Variants in COG5 observed in about 807,000 individuals in gnomAD.
The protein encoded by COG5 is conserved oligomeric Golgi complex subunit 5.
A neutral mutation model predicts 110.4 loss-of-function variants in COG5; 86 were observed. The observed-to-expected ratio is 0.78, with a 90% CI of 0.65 to 0.93. COG5 has a LOEUF of 0.93. Among genes scored for constraint, COG5 ranks in the 40% least tolerant of loss-of-function variants. The pLI is 0.00. For missense variants in COG5, 1,077 were observed against 987.0 expected (o/e 1.09, Z -1.22); for synonymous variants, 360 against 334.6 (o/e 1.08, Z -0.83).
chr7:107,221,764 CAAA>C (rs1165656626), intron 19 of COG5, among the ~76,000 whole-genome samples: 3 of 61,948 alleles, frequency 4.8e-5, no homozygotes, highest in Admixed American at 1.9e-4. Flanking sequence ...GACTCCGTCT[CAAA>C]AAAAAAAAAA....
chr7:107,326,793 G>C (rs1809806176), intron 10 of COG5, among the ~76,000 whole-genome samples: 1 of 152,068 alleles, frequency 6.6e-6, no homozygotes, highest in African/African-American at 2.4e-5. Flanking sequence ...AATTAATAGA[G>C]AATCTCCAGG....
At chr7:107,311,369 C>CT (rs1363120352) in intron 11 of COG5, among the ~76,000 whole-genome samples, 27 of 82,740 alleles carry the variant, frequency 3.3e-4, no homozygotes, top group African/African-American at 9.3e-4. Flanking sequence ...AGCGTATTTA[C>CT]ATTTTTTTTT....
intron 6 of COG5, among the ~76,000 whole-genome samples, chr7:107,511,505 A>C (rs928932487): frequency 1.3e-5 from 2 of 152,240 alleles, no homozygotes; most frequent in African/African-American, 4.8e-5. Context: ...AAACTATTCC[A>C]ATCAATAGAA....
intron 6 of COG5, among the ~76,000 whole-genome samples, chr7:107,416,672 A>G (rs1432497203): frequency 1.3e-5 from 2 of 152,198 alleles, no homozygotes; most frequent in Non-Finnish European, 2.9e-5. Flanking sequence ...AACAGTTACT[A>G]TAACTGTATT....
chr7:107,295,105 T>A (rs371400614), intron 12 of COG5, among the ~76,000 whole-genome samples: 2,843 of 69,850 alleles, frequency 0.041, 6 homozygotes, highest in South Asian at 0.07. Context: ...ATATATATTT[T>A]TTTTTTTTTT....
At chr7:107,352,400 G>A (rs1389350223) in intron 10 of COG5, among the ~76,000 whole-genome samples, 4 of 149,038 alleles carry the variant, frequency 2.7e-5, no homozygotes, top group Non-Finnish European at 4.4e-5. Flanking sequence ...TGTATACAAT[G>A]TATACATATG....
chr7:107,289,038 C>A (rs1360367628), intron 12 of COG5, among the ~76,000 whole-genome samples: 1 of 148,380 alleles, frequency 6.7e-6, no homozygotes, highest in South Asian at 2.2e-4. Flanking sequence ...CTTGTCCAGG[C>A]TGGACTCAAA....
chr7:107,298,796 G>A (rs1421723755), intron 11 of COG5, among the ~76,000 whole-genome samples: 1 of 152,054 alleles, frequency 6.6e-6, no homozygotes, highest in Non-Finnish European at 1.5e-5. Context: ...CCATTAAACC[G>A]GTCTCAATAC....
intron 6 of COG5, among the ~76,000 whole-genome samples, chr7:107,465,939 G>T (rs1796270365): frequency 6.6e-6 from 1 of 152,094 alleles, no homozygotes; most frequent in Admixed American, 6.6e-5. Flanking sequence ...CAAAACAGGG[G>T]ACTTGACACA....
At chr7:107,362,007 G>A in intron 10 of COG5, 26 bp downstream of exon 10, 2 of 1,461,746 alleles carry the variant, frequency 1.4e-6, no homozygotes, top group Non-Finnish European at 9.5e-7. Context: ...CAAGAAAGAT[G>A]TAAAAATATT....
intron 6 of COG5, among the ~76,000 whole-genome samples, chr7:107,414,569 GAATA>G (rs1792558301): frequency 6.6e-6 from 1 of 151,830 alleles, no homozygotes; most frequent in Non-Finnish European, 1.5e-5. Flanking sequence ...ATGGCTACCG[GAATA>G]AATGTTCTGG....
chr7:107,508,764 G>A (rs945180904), intron 6 of COG5, among the ~76,000 whole-genome samples: 5 of 152,150 alleles, frequency 3.3e-5, no homozygotes, highest in Admixed American at 6.5e-5. Context: ...TGCAGCCACC[G>A]CTGCTGATAC....
At chr7:107,387,388 G>A (rs12537011) in intron 7 of COG5, among the ~76,000 whole-genome samples, 23,700 of 152,210 alleles carry the variant, frequency 0.16, 2,301 homozygotes, top group Non-Finnish European at 0.22. Flanking sequence ...CTAAGCAAGT[G>A]CAAAGTGGCT....
intron 6 of COG5, among the ~76,000 whole-genome samples, chr7:107,415,981 T>A (rs1260237402): frequency 2.7e-5 from 3 of 112,604 alleles, no homozygotes; most frequent in Non-Finnish European, 6.2e-5. Context: ...CATACACGTA[T>A]GTATATATGT....
At chr7:107,356,460 G>A (rs919650745) in intron 10 of COG5, among the ~76,000 whole-genome samples, 4 of 152,136 alleles carry the variant, frequency 2.6e-5, no homozygotes, top group Non-Finnish European at 5.9e-5. Flanking sequence ...AGCTATTTGG[G>A]AGGCTGAGGC....
chr7:107,329,678 G>A (rs1810076088), intron 10 of COG5, among the ~76,000 whole-genome samples: 1 of 152,074 alleles, frequency 6.6e-6, no homozygotes, highest in Admixed American at 6.5e-5. Flanking sequence ...GATCGCTTGA[G>A]GCCAGGAGTT....
At chr7:107,256,381 G>T (rs1456828073) in intron 16 of COG5, among the ~76,000 whole-genome samples, 1 of 152,058 alleles carries the variant, frequency 6.6e-6, no homozygotes, top group Non-Finnish European at 1.5e-5. Context: ...AATGTCTCCA[G>T]ATGCTGTCAA....
At chr7:107,441,230 T>C (rs1214609209) in intron 6 of COG5, among the ~76,000 whole-genome samples, 1 of 116,898 alleles carries the variant, frequency 8.6e-6, no homozygotes, top group African/African-American at 3.5e-5. Context: ...CACTCCAACC[T>C]GGGCAACAGA....
chr7:107,498,769 T>A (rs181541839), intron 6 of COG5, among the ~76,000 whole-genome samples: 34 of 152,288 alleles, frequency 2.2e-4, no homozygotes, highest in Non-Finnish European at 4.0e-4. Flanking sequence ...AGAATTACTA[T>A]ACGATCCAGC....
Sources: gnomAD v4.1 joint callset for allele counts (sites outside exome capture counted in the v4.1 genomes callset) on GRCh38, gnomAD v4.1.1 for gene constraint, MANE v1.5 for transcripts, NCBI Gene and HGNC (gene_info 2026-07-23, HGNC 2026-07-21) for gene names.